The following ARMC2 variants were observed in gnomAD, a reference collection of about 807,000 sequenced individuals.
ARMC2 encodes armadillo repeat-containing protein 2.
ARMC2 carries 67 observed loss-of-function variants against 90.3 expected under a neutral mutation model. That is an observed-to-expected ratio of 0.74 (90% CI 0.61 to 0.91). ARMC2 has a LOEUF of 0.91. Among genes scored for constraint, ARMC2 ranks in the 40% least tolerant of loss-of-function variants. The probability of loss-of-function intolerance (pLI) is 0.00; values close to 1 mark genes in which losing one functional copy is unlikely to be tolerated. For synonymous variants in ARMC2, 393 were observed against 393.0 expected (o/e 1.00, Z 0.00); for missense variants, 920 against 1,030.9 (o/e 0.89, Z 1.47).
intron 5 of ARMC2, among the ~76,000 whole-genome samples, chr6:108,886,327 G>T (rs1453221780): frequency 1.3e-5 from 2 of 152,172 alleles, no homozygotes; most frequent in Non-Finnish European, 2.9e-5. Context: ...GGAGGCCAAG[G>T]TGGGCGAATC....
chr6:108,993,890 A>T, the ARMC2 span, among the ~76,000 whole-genome samples: 3 of 152,214 alleles, frequency 2.0e-5, no homozygotes, highest in East Asian at 3.9e-4. Flanking sequence ...AAATCACAGA[A>T]TTTTAACTCT....
chr6:108,997,545 GACAA>G, the ARMC2 span, among the ~76,000 whole-genome samples: 2 of 152,186 alleles, frequency 1.3e-5, no homozygotes, highest in Non-Finnish European at 2.9e-5. Flanking sequence ...TTTAGCACCT[GACAA>G]ATGCTAAGTG....
chr6:109,019,338 C>T, the ARMC2 span, among the ~76,000 whole-genome samples: 1 of 152,188 alleles, frequency 6.6e-6, no homozygotes, highest in African/African-American at 2.4e-5. Context: ...TCAGAGAATG[C>T]TCCAATAATT....
the ARMC2 span, among the ~76,000 whole-genome samples, chr6:109,044,080 C>T: frequency 3.1e-4 from 47 of 151,560 alleles, no homozygotes; most frequent in Non-Finnish European, 6.5e-4. Flanking sequence ...TTTGGGAGGC[C>T]AAGGCAAGAG....
At chr6:108,962,439 T>C (rs377469395) in intron 15 of ARMC2, among the ~76,000 whole-genome samples, 15 of 152,318 alleles carry the variant, frequency 9.8e-5, no homozygotes, top group African/African-American at 3.4e-4. Flanking sequence ...AGAATGTCTA[T>C]TACATTTTGC....
At chr6:109,000,472 A>G in the ARMC2 span, 2 of 1,490,276 alleles carry the variant, frequency 1.3e-6, no homozygotes, top group Non-Finnish European at 9.0e-7. Flanking sequence ...CTCCCAAGAT[A>G]TATTACCCCA....
At chr6:109,044,670 T>C in the ARMC2 span, among the ~76,000 whole-genome samples, 186 of 152,248 alleles carry the variant, frequency 1.2e-3, 1 homozygote, top group African/African-American at 4.0e-3. Context: ...TTTCTCTATC[T>C]ACCTAATATA....
chr6:108,972,994 C>T (rs1457354364), intron 17 of ARMC2, among the ~76,000 whole-genome samples: 3 of 151,974 alleles, frequency 2.0e-5, no homozygotes, highest in African/African-American at 7.3e-5. Context: ...AAATATTGCC[C>T]ATTTAAATTA....
intron 4 of ARMC2, among the ~76,000 whole-genome samples, chr6:108,875,325 A>G (rs1018796584): frequency 3.9e-5 from 6 of 152,088 alleles, no homozygotes; most frequent in African/African-American, 1.4e-4. Flanking sequence ...GTGGTCTACT[A>G]GGCTGGGCCT....
chr6:108,862,342 C>CAAAAAAAAA (rs71551359), intron 3 of ARMC2, among the ~76,000 whole-genome samples: 170 of 35,116 alleles, frequency 4.8e-3, no homozygotes, highest in Non-Finnish European at 6.3e-3. Context: ...AGACTCATCT[C>CAAAAAAAAA]AAAAAAAAAA....
At chr6:109,012,874 GGAGGCC>G in the ARMC2 span, among the ~76,000 whole-genome samples, 1 of 152,122 alleles carries the variant, frequency 6.6e-6, no homozygotes, top group Non-Finnish European at 1.5e-5. Context: ...CAGCACTTTG[GGAGGCC>G]GAGGCAGGGC....
At chr6:108,878,657 T>C (rs1777167881) in intron 5 of ARMC2, among the ~76,000 whole-genome samples, 1 of 152,210 alleles carries the variant, frequency 6.6e-6, no homozygotes, top group Admixed American at 6.5e-5. Flanking sequence ...TAAACAATGC[T>C]TTAGAGGACT....
chr6:108,991,272 C>CA, the ARMC2 span, among the ~76,000 whole-genome samples: 1 of 151,978 alleles, frequency 6.6e-6, no homozygotes, highest in Non-Finnish European at 1.5e-5. Flanking sequence ...GACAAGGTCT[C>CA]ACTATGTTGT....
chr6:109,024,637 T>C, the ARMC2 span, among the ~76,000 whole-genome samples: 1 of 152,222 alleles, frequency 6.6e-6, no homozygotes, highest in Non-Finnish European at 1.5e-5. Flanking sequence ...ACACCAAATC[T>C]TCTACATTAT....
chr6:109,046,528 C>G, the ARMC2 span, among the ~76,000 whole-genome samples: 2 of 147,078 alleles, frequency 1.4e-5, no homozygotes, highest in Non-Finnish European at 3.0e-5. Flanking sequence ...TGAGGAGTGT[C>G]TCTGCCTGGC....
intron 8 of ARMC2, among the ~76,000 whole-genome samples, chr6:108,905,641 A>G (rs987460841): frequency 6.6e-6 from 1 of 152,200 alleles, no homozygotes; most frequent in Non-Finnish European, 1.5e-5. Context: ...TCGGTTATTA[A>G]TGGTGTCATT....
At chr6:108,864,788 G>A (rs1775646066) in intron 3 of ARMC2, among the ~76,000 whole-genome samples, 1 of 152,130 alleles carries the variant, frequency 6.6e-6, no homozygotes, top group Non-Finnish European at 1.5e-5. Context: ...ATTGTGGTCA[G>A]CCTGATGGAT....
At chr6:109,004,606 ATTT>A in the ARMC2 span, among the ~76,000 whole-genome samples, 3,577 of 152,018 alleles carry the variant, frequency 0.024, 148 homozygotes, top group African/African-American at 0.082. Context: ...AATTTTTTGT[ATTT>A]TTAGTAGAGA....
At chr6:108,897,121 G>A (rs1583043471) in intron 6 of ARMC2, among the ~76,000 whole-genome samples, 1 of 152,182 alleles carries the variant, frequency 6.6e-6, no homozygotes. Context: ...AGATTGAGAT[G>A]GTAGTCTACA....
Sources: gnomAD v4.1 joint callset for allele counts (sites outside exome capture counted in the v4.1 genomes callset) on GRCh38, gnomAD v4.1.1 for gene constraint, MANE v1.5 for transcripts, NCBI Gene and HGNC (gene_info 2026-07-23, HGNC 2026-07-21) for gene names.